Variants in TCEA1 observed in about 807,000 individuals in gnomAD.
TCEA1 encodes the protein transcription elongation factor A protein 1.
A neutral mutation model predicts 43.8 loss-of-function variants in TCEA1; 21 were observed. The ratio of observed to expected loss-of-function variants is 0.48; its 90% CI spans 0.34 to 0.69. The LOEUF (loss-of-function observed/expected upper bound fraction) is 0.69. TCEA1 is among the 30% of genes least tolerant of loss of function. The probability of loss-of-function intolerance (pLI) is 0.01; values close to 1 mark genes in which losing one functional copy is unlikely to be tolerated. For missense variants in TCEA1, 250 were observed against 365.1 expected (o/e 0.68, Z 2.57); for synonymous variants, 104 against 117.5 (o/e 0.88, Z 0.75).
chr8:54,006,858 T>C (rs1401132114), intron 2 of TCEA1, among the ~76,000 whole-genome samples: 2 of 152,164 alleles, frequency 1.3e-5, no homozygotes, highest in East Asian at 3.9e-4. Context: ...TGTTTTTTGA[T>C]ACAGAGTCTT....
intron 4 of TCEA1, among the ~76,000 whole-genome samples, chr8:53,992,998 G>T (rs2129305814): frequency 6.7e-6 from 1 of 149,534 alleles, no homozygotes; most frequent in African/African-American, 2.5e-5. Context: ...CATTGCTCAG[G>T]CTGGAGTGCA....
At chr8:54,002,725 G>A (rs1804311439) in intron 2 of TCEA1, among the ~76,000 whole-genome samples, 1 of 152,174 alleles carries the variant, frequency 6.6e-6, no homozygotes, top group African/African-American at 2.4e-5. Flanking sequence ...AAAGTATTCT[G>A]TGCTCAAGTG....
At chr8:54,019,076 G>T (rs1804936055) in intron 1 of TCEA1, among the ~76,000 whole-genome samples, 1 of 152,058 alleles carries the variant, frequency 6.6e-6, no homozygotes, top group Admixed American at 6.5e-5. Context: ...GGATAAGGTG[G>T]GTAAGTATTT....
chr8:53,995,312 A>AG (rs1804019719), intron 3 of TCEA1, among the ~76,000 whole-genome samples: 1 of 137,972 alleles, frequency 7.2e-6, no homozygotes, highest in Non-Finnish European at 1.5e-5. Flanking sequence ...AAAAAAAAAA[A>AG]AAAGAAAAAT....
intron 9 of TCEA1, among the ~76,000 whole-genome samples, chr8:53,969,744 C>T (rs1803101530): frequency 6.6e-6 from 1 of 152,202 alleles, no homozygotes; most frequent in Non-Finnish European, 1.5e-5. Context: ...GCCTCCCAAA[C>T]TCACACCCTT....
At chr8:54,010,660 A>C in intron 1 of TCEA1, among the ~76,000 whole-genome samples, 168 bp from the exon 2 acceptor site, 1 of 151,932 alleles carries the variant, frequency 6.6e-6, no homozygotes, top group South Asian at 2.1e-4. Flanking sequence ...ATTTGATATT[A>C]ATTTAATTTA....
chr8:53,972,388 A>G (rs1585984828), intron 8 of TCEA1: 3 of 548,790 alleles, frequency 5.5e-6, no homozygotes, highest in South Asian at 4.3e-5. Flanking sequence ...GGAAATATAG[A>G]AACTAGTTCT....
chr8:54,006,057 C>A (rs1414989227), intron 2 of TCEA1, among the ~76,000 whole-genome samples: 5 of 152,202 alleles, frequency 3.3e-5, no homozygotes, highest in Non-Finnish European at 7.4e-5. Flanking sequence ...ACCTAGTCAT[C>A]TTCTGAGATG....
At chr8:54,007,341 G>A (rs550177940) in intron 2 of TCEA1, among the ~76,000 whole-genome samples, 2 of 152,050 alleles carry the variant, frequency 1.3e-5, no homozygotes, top group South Asian at 4.2e-4. Context: ...CAATTTGTGT[G>A]TGTGTATTTT....
intron 4 of TCEA1, among the ~76,000 whole-genome samples, chr8:53,992,184 C>A (rs1803904194): frequency 6.6e-6 from 1 of 151,906 alleles, no homozygotes; most frequent in African/African-American, 2.4e-5. Flanking sequence ...TGGTGGCATA[C>A]ACCCATAATC....
At chr8:53,978,156 C>G (rs992041070) in intron 8 of TCEA1, among the ~76,000 whole-genome samples, 1 of 152,004 alleles carries the variant, frequency 6.6e-6, no homozygotes, top group Admixed American at 6.6e-5. Flanking sequence ...CCCAGTACTT[C>G]GGGAGGCCAA....
At chr8:53,995,892 T>C (rs531233737) in intron 3 of TCEA1, among the ~76,000 whole-genome samples, 104 of 152,344 alleles carry the variant, frequency 6.8e-4, no homozygotes, top group African/African-American at 2.3e-3. Context: ...AGCCCTCTGA[T>C]AAAACACGCA....
intron 3 of TCEA1, among the ~76,000 whole-genome samples, chr8:53,994,591 A>G (rs1803986994): frequency 6.6e-6 from 1 of 152,168 alleles, no homozygotes; most frequent in Non-Finnish European, 1.5e-5. Context: ...AGAGGCGGCC[A>G]GGCACAGTGG....
intron 1 of TCEA1, among the ~76,000 whole-genome samples, chr8:54,018,532 A>G (rs1475282280): frequency 6.6e-6 from 1 of 152,246 alleles, no homozygotes; most frequent in Non-Finnish European, 1.5e-5. Context: ...CTTGCCTAAA[A>G]TCACACAGCT....
intron 2 of TCEA1, among the ~76,000 whole-genome samples, chr8:54,004,529 G>A (rs1484623624): frequency 6.6e-6 from 1 of 152,168 alleles, no homozygotes; most frequent in Non-Finnish European, 1.5e-5. Context: ...GACATCAAAG[G>A]TCAGATACTG....
chr8:53,978,221 A>T (rs1357469770), intron 8 of TCEA1, among the ~76,000 whole-genome samples: 1 of 152,156 alleles, frequency 6.6e-6, no homozygotes, highest in Admixed American at 6.6e-5. Flanking sequence ...CAATGCAGCA[A>T]GACCCCATCT....
intron 2 of TCEA1, chr8:54,002,768 T>C: frequency 2.6e-6 from 1 of 387,466 alleles, no homozygotes; most frequent in South Asian, 1.9e-5. Flanking sequence ...AACTGTTTTC[T>C]TGACTGCAGG....
chr8:53,976,852 A>G (rs900937580), intron 8 of TCEA1, among the ~76,000 whole-genome samples: 4 of 152,198 alleles, frequency 2.6e-5, no homozygotes, highest in Admixed American at 6.5e-5. Context: ...ATCAGTAGTA[A>G]AACTGCTACA....
rs1327660851 is a variant in TCEA1 at position 54,022,108 on chromosome 8, G to C, written c.18C>G (p.Val6=). 14 of 1,606,768 alleles carry C rather than the reference G, an allele frequency of 8.7e-6. No individual in the cohort carries two copies. Among genetic ancestry groups the C allele is most frequent in the Non-Finnish European group, 1.2e-5 (14 of 1,177,526 alleles). The change falls in exon 1 of 10, where the codon GTC becomes GTG. Residue 6 remains valine (V), a synonymous_variant. Transcript: ENST00000521604. MEDEV[V]RFAKKMDKMV... ...TCTTGTCCATCTTCTTGGCAAAGCG[G>C]ACCACTTCGTCCTCCATGGCTCCGG...
Sources: allele counts gnomAD v4.1 joint callset (sites outside exome capture counted in the v4.1 genomes callset), GRCh38; gene constraint gnomAD v4.1.1; transcripts MANE v1.5; gene names NCBI Gene and HGNC (gene_info 2026-07-23, HGNC 2026-07-21).